The following BRINP3 variants were observed in gnomAD, a reference collection of about 807,000 sequenced individuals.
The protein encoded by BRINP3 is BMP/retinoic acid inducible neural specific 3, also known as BMP/retinoic acid-inducible neural-specific protein 3.
A neutral mutation model predicts 71.0 loss-of-function variants in BRINP3; 19 were observed. That is an observed-to-expected ratio of 0.27 (90% CI 0.19 to 0.39). BRINP3 has a LOEUF of 0.39. BRINP3 is among the 10% of genes least tolerant of loss of function. BRINP3 has a pLI of 1.00. For synonymous variants in BRINP3, 380 were observed against 337.7 expected, an observed-to-expected ratio of 1.13 and a Z score of -1.37; for missense variants, 959 against 940.8, an observed-to-expected ratio of 1.02 and a Z score of -0.25.
chr1:190,386,410 C>A (rs1670910704), intron 2 of BRINP3, among the ~76,000 whole-genome samples: 1 of 151,066 alleles, frequency 6.6e-6, no homozygotes, highest in African/African-American at 2.4e-5. Flanking sequence ...AAATAAATAC[C>A]AGATTTTAAA....
At chr1:190,470,330 C>T (rs1307249586) in intron 1 of BRINP3, among the ~76,000 whole-genome samples, 1 of 150,932 alleles carries the variant, frequency 6.6e-6, no homozygotes, top group Non-Finnish European at 1.5e-5. Flanking sequence ...ATAATTCTTA[C>T]ATGGCAGAGA....
intron 7 of BRINP3, among the ~76,000 whole-genome samples, chr1:190,153,604 C>T (rs1191643416): frequency 1.3e-5 from 2 of 152,064 alleles, no homozygotes; most frequent in Non-Finnish European, 2.9e-5. Flanking sequence ...AACTAATATC[C>T]TAATTTCCAT....
chr1:190,187,358 T>C (rs1350194821), intron 6 of BRINP3, among the ~76,000 whole-genome samples: 1 of 152,120 alleles, frequency 6.6e-6, no homozygotes, highest in African/African-American at 2.4e-5. Flanking sequence ...TTGTTTCCTT[T>C]AAGTGCAGAA....
chr1:190,151,585 T>C (rs1254376725), intron 7 of BRINP3, among the ~76,000 whole-genome samples: 1 of 152,102 alleles, frequency 6.6e-6, no homozygotes, highest in Non-Finnish European at 1.5e-5. Flanking sequence ...ATCTCAGAAA[T>C]AAAGGTTATA....
intron 3 of BRINP3, among the ~76,000 whole-genome samples, chr1:190,266,205 A>G (rs150632599): frequency 4.6e-5 from 7 of 152,308 alleles, no homozygotes; most frequent in Admixed American, 1.3e-4. Context: ...TTATAAACTA[A>G]TAAGTCACTT....
intron 4 of BRINP3, among the ~76,000 whole-genome samples, chr1:190,245,546 T>G (rs1408624897): frequency 1.3e-5 from 2 of 152,080 alleles, no homozygotes; most frequent in African/African-American, 2.4e-5. Flanking sequence ...TCAGCTATGT[T>G]AATTATTTAT....
rs140069297 is a variant in BRINP3, at chr1:190,464,155, A to T, written c.-50-9215T>A. Among the ~76,000 whole-genome samples the T allele has an allele frequency of 1.6e-3, 247 of 151,986 alleles. 1 individual carries two copies. The highest frequency in any genetic ancestry group is 5.2e-3 in the African/African-American group (215 of 41,522). ...AAAAAGTGTTTTTTTTTAAAAAAAA[A>T]AGTAAACTAAAAGTTAGTGATAATC... On this transcript the variant is annotated intron_variant, in intron 1 of 7. Transcript: ENST00000367462.
intron 1 of BRINP3, among the ~76,000 whole-genome samples, chr1:190,460,682 C>G (rs1302069312): frequency 1.3e-5 from 2 of 152,178 alleles, no homozygotes; most frequent in East Asian, 3.9e-4. Context: ...GCAGGGCATA[C>G]TGCCTGTGGC....
intron 7 of BRINP3, among the ~76,000 whole-genome samples, chr1:190,104,541 C>T (rs1651977635): frequency 6.6e-6 from 1 of 151,778 alleles, no homozygotes; most frequent in Admixed American, 6.6e-5. Context: ...GTTTTCTCTT[C>T]AACAATTCAT....
chr1:190,162,421 G>C (rs1280041222), intron 6 of BRINP3, among the ~76,000 whole-genome samples: 1 of 152,000 alleles, frequency 6.6e-6, no homozygotes. Flanking sequence ...GGGATTACAG[G>C]AGTAGAGCCA....
At chr1:190,170,517 A>G (rs970452865) in intron 6 of BRINP3, among the ~76,000 whole-genome samples, 22 of 152,220 alleles carry the variant, frequency 1.4e-4, no homozygotes, top group African/African-American at 5.1e-4. Context: ...GTCATATAAA[A>G]CGTGAAGCCA....
chr1:190,194,515 T>C (rs1282071672), intron 6 of BRINP3, among the ~76,000 whole-genome samples: 1 of 152,142 alleles, frequency 6.6e-6, no homozygotes, highest in Non-Finnish European at 1.5e-5. Context: ...TTGAGATCAC[T>C]GTTTGATTAG....
At position 190,298,890 on chromosome 1, in the gene BRINP3, C is replaced by T. The variant is rs147688938; in HGVS notation, c.237-17140G>A. On this transcript the variant is annotated intron_variant, in intron 2 of 7. Coordinates refer to ENST00000367462, the MANE Select transcript of BRINP3 (RefSeq NM_199051.3). The stretch of plus-strand genomic sequence containing the variant: ...TTCATCAAGTTGTTCTAGCAACTGA[C>T]GACAGAGGTGTTGAAATATCCATCA... Among the ~76,000 whole-genome samples, 178 of 152,204 alleles carry T rather than the reference C, an allele frequency of 1.2e-3. 2 individuals carry two copies. Among genetic ancestry groups the T allele is most frequent in the Non-Finnish European group, 7.9e-4 (54 of 68,004 alleles).
intron 7 of BRINP3, among the ~76,000 whole-genome samples, chr1:190,155,103 T>C (rs183178786): frequency 6.6e-6 from 1 of 152,262 alleles, no homozygotes; most frequent in Admixed American, 6.5e-5. Context: ...TATTGCCTAC[T>C]GAAATATGTC....
At chr1:190,409,140 G>A (rs920171013) in intron 2 of BRINP3, among the ~76,000 whole-genome samples, 10 of 152,036 alleles carry the variant, frequency 6.6e-5, no homozygotes, top group African/African-American at 2.4e-4. Context: ...GGTGGCTCTC[G>A]CCTGTAATCC....
In BRINP3 at chr1:190,157,877, C is replaced by T. The variant is rs192300854; in HGVS notation, c.1184+2791G>A. On this transcript the variant is annotated intron_variant, in intron 7 of 7. Coordinates refer to ENST00000367462, the MANE Select transcript of BRINP3 (RefSeq NM_199051.3). ...ACAAGGAATCAACCTAGGTTTCCAACAATGGTGGACTGGATAAAAAAATAT... is the reference window on the plus strand; with the variant it reads ...ACAAGGAATCAACCTAGGTTTCCAATAATGGTGGACTGGATAAAAAAATAT... Among the ~76,000 whole-genome samples, 5 of 152,072 alleles carry T rather than the reference C, an allele frequency of 3.3e-5. No homozygotes were observed. The East Asian group carries it at 9.7e-4, about 29-fold the overall frequency.
chr1:190,343,418 T>G (rs185093813), intron 2 of BRINP3, among the ~76,000 whole-genome samples: 3 of 151,866 alleles, frequency 2.0e-5, no homozygotes. Flanking sequence ...TTCTGCTATG[T>G]ACTATGGTGA....
intron 2 of BRINP3, among the ~76,000 whole-genome samples, chr1:190,330,013 A>T (rs1666863130): frequency 6.6e-6 from 1 of 152,108 alleles, no homozygotes; most frequent in African/African-American, 2.4e-5. Context: ...AAAATATAAG[A>T]TCTAAAACTA....
At chr1:190,253,961 A>T (rs978098506) in intron 4 of BRINP3, among the ~76,000 whole-genome samples, 7 of 151,996 alleles carry the variant, frequency 4.6e-5, no homozygotes, top group African/African-American at 7.2e-5. Context: ...TAAGGAAGGG[A>T]TCCAGTTTCA....
Sources: gnomAD v4.1 joint callset for allele counts (sites outside exome capture counted in the v4.1 genomes callset) on GRCh38, gnomAD v4.1.1 for gene constraint, MANE v1.5 for transcripts, NCBI Gene and HGNC (gene_info 2026-07-23, HGNC 2026-07-21) for gene names.